Variants in DLG2 observed in about 807,000 individuals in gnomAD.
DLG2 encodes discs large MAGUK scaffold protein 2.
Under a neutral mutation model 132.5 loss-of-function variants are expected in DLG2, and 45 were observed. That is an observed-to-expected ratio of 0.34 (90% CI 0.27 to 0.44). DLG2 has a LOEUF of 0.44. DLG2 is among the 20% of genes least tolerant of loss of function. The probability of loss-of-function intolerance (pLI) is 1.00; values close to 1 mark genes in which losing one functional copy is unlikely to be tolerated. For missense variants in DLG2, 1,045 were observed against 1,196.9 expected, an observed-to-expected ratio of 0.87 and a Z score of 1.87; for synonymous variants, 424 against 419.6, an observed-to-expected ratio of 1.01 and a Z score of -0.13.
chr11:84,758,543 T>C (rs1398444194), intron 6 of DLG2, among the ~76,000 whole-genome samples: 1 of 152,210 alleles, frequency 6.6e-6, no homozygotes, highest in Non-Finnish European at 1.5e-5. Context: ...TTCTGAACAC[T>C]GTTTTCTGAT....
chr11:84,402,376 T>C (rs765031443), intron 7 of DLG2, among the ~76,000 whole-genome samples: 1 of 152,150 alleles, frequency 6.6e-6, no homozygotes, highest in African/African-American at 2.4e-5. Context: ...AAGATTTGTC[T>C]CTAGGTTTGA....
chr11:85,084,881 A>G (rs961145533), intron 6 of DLG2, among the ~76,000 whole-genome samples: 17 of 152,180 alleles, frequency 1.1e-4, no homozygotes, highest in Non-Finnish European at 2.1e-4. Flanking sequence ...TAGAGAAAGC[A>G]CGAGTTTCTC....
intron 13 of DLG2, among the ~76,000 whole-genome samples, chr11:83,963,877 C>G (rs2089549838): frequency 6.6e-6 from 1 of 151,960 alleles, no homozygotes; most frequent in South Asian, 2.1e-4. Flanking sequence ...TCTGAAGATG[C>G]AACTGAAATG....
At chr11:83,924,763 C>T (rs1439715251) in intron 15 of DLG2, among the ~76,000 whole-genome samples, 1 of 152,124 alleles carries the variant, frequency 6.6e-6, no homozygotes, top group Non-Finnish European at 1.5e-5. Flanking sequence ...TCTTGCTCTG[C>T]ATCCCAAAAC....
intron 18 of DLG2, among the ~76,000 whole-genome samples, chr11:83,777,555 T>C (rs2094632354): frequency 6.6e-6 from 1 of 152,238 alleles, no homozygotes. Flanking sequence ...CAATTTAATT[T>C]ATTAAACTGA....
At position 84,633,738 on chromosome 11, in the gene DLG2, G is replaced by A. The variant is rs114208964; in HGVS notation, c.358-99007C>T. On this transcript the variant is annotated intron_variant, in intron 6 of 27. Transcript: ENST00000376104. ...ATTGTTATTGATGAATGCAGACTAT[G>A]GGCCAGGCTTGTTTCCTAGAAACAT... is the stretch of plus-strand genomic sequence containing the variant. 5.0e-3 allele frequency among the ~76,000 whole-genome samples: 766 copies of A among 152,170 alleles called. 6 individuals carry two copies. The highest frequency in any genetic ancestry group is 0.018 in the African/African-American group (733 of 41,502).
intron 6 of DLG2, among the ~76,000 whole-genome samples, chr11:84,629,835 T>G (rs1007024847): frequency 8.6e-5 from 13 of 151,954 alleles, no homozygotes; most frequent in Non-Finnish European, 1.5e-4. Context: ...AAAGGAAAAG[T>G]GGAGGAAAAG....
Position 84,872,357 on chromosome 11 carries a change from ACAT to A in DLG2, c.357+239301_357+239303del, listed in dbSNP as rs1344515103. Among the ~76,000 whole-genome samples, 3 of 152,340 alleles carry A rather than the reference ACAT, an allele frequency of 2.0e-5. No individual in the cohort carries two copies. In the East Asian group the frequency reaches 5.8e-4, roughly 29 times the overall value. On this transcript the variant is annotated intron_variant, in intron 6 of 27. Coordinates refer to ENST00000376104, the MANE Select transcript of DLG2 (RefSeq NM_001142699.3). ...GCAAAGGGATTCATTCCCTTATAAA[ACAT>A]CATTAAAACACCAGCCATGTGTCTG... is the stretch of plus-strand genomic sequence containing the variant.
chr11:84,369,717 T>C (rs1664437881), intron 7 of DLG2, among the ~76,000 whole-genome samples: 1 of 152,128 alleles, frequency 6.6e-6, no homozygotes, highest in Non-Finnish European at 1.5e-5. Flanking sequence ...GACATAAAGA[T>C]TGCTGGTTGG....
At chr11:84,237,073 C>T (rs1440430019) in intron 8 of DLG2, among the ~76,000 whole-genome samples, 3 of 151,886 alleles carry the variant, frequency 2.0e-5, no homozygotes, top group Admixed American at 1.3e-4. Context: ...AGACTACAGG[C>T]GCGTGCCACC....
intron 6 of DLG2, among the ~76,000 whole-genome samples, chr11:85,017,502 AG>A (rs2059672700): frequency 6.6e-6 from 1 of 152,154 alleles, no homozygotes; most frequent in Admixed American, 6.6e-5. Context: ...ACTCATCTTT[AG>A]GCACACTCCC....
chr11:83,821,939 T>G (rs1001807574), intron 17 of DLG2, among the ~76,000 whole-genome samples: 1 of 152,154 alleles, frequency 6.6e-6, no homozygotes, highest in African/African-American at 2.4e-5. Context: ...AGGAGATAAC[T>G]CTTCTCCTTG....
intron 16 of DLG2, among the ~76,000 whole-genome samples, chr11:83,866,466 G>C (rs984303154): frequency 6.6e-6 from 1 of 152,188 alleles, no homozygotes; most frequent in Middle Eastern, 3.4e-3. Flanking sequence ...ATATTAACTA[G>C]CTCTTTAGTG....
chr11:83,748,195 G>A (rs1197068785), intron 18 of DLG2, among the ~76,000 whole-genome samples: 2 of 152,302 alleles, frequency 1.3e-5, no homozygotes, highest in African/African-American at 4.8e-5. Flanking sequence ...CGAGGGCTCT[G>A]TTCTTAGCTT....
chr11:84,781,013 A>C (rs1565944421), intron 6 of DLG2, among the ~76,000 whole-genome samples: 1 of 150,608 alleles, frequency 6.6e-6, no homozygotes, highest in East Asian at 1.9e-4. Context: ...AAAAAAAAAA[A>C]AGCGACAAGA....
At chr11:85,515,679 C>T (rs2094156183) in intron 3 of DLG2, among the ~76,000 whole-genome samples, 1 of 151,932 alleles carries the variant, frequency 6.6e-6, no homozygotes, top group Admixed American at 6.6e-5. Flanking sequence ...AATATAAGAA[C>T]TGACTAGAAG....
Position 85,177,952 on chromosome 11 carries a change from T to C in DLG2, c.187-23301A>G, listed in dbSNP as rs2079417542. ...AGGCTATTTTACAAAATAAATGTCTTATATTTGGGGAAAAAAATAAATTCA... is the reference window on the plus strand; with the variant it reads ...AGGCTATTTTACAAAATAAATGTCTCATATTTGGGGAAAAAAATAAATTCA... On this transcript the variant is annotated intron_variant, in intron 4 of 27. Coordinates refer to ENST00000376104, the MANE Select transcript of DLG2 (RefSeq NM_001142699.3). Among the ~76,000 whole-genome samples the C allele has an allele frequency of 5.3e-5, 8 of 152,034 alleles. No homozygotes were observed. In the South Asian group the frequency reaches 1.7e-3, roughly 32 times the overall value.
At chr11:84,317,337 T>C in intron 7 of DLG2, 2 of 1,410,690 alleles carry the variant, frequency 1.4e-6, no homozygotes, top group South Asian at 1.6e-5. Context: ...CAGCATTATC[T>C]GCGGGCTGGT....
At chr11:84,596,379 C>CTTT (rs1211350827) in intron 6 of DLG2, among the ~76,000 whole-genome samples, 4 of 121,734 alleles carry the variant, frequency 3.3e-5, no homozygotes, top group Non-Finnish European at 5.3e-5. Context: ...AGATAATTTT[C>CTTT]TTTTTTTTTT....
Sources: gnomAD v4.1 joint callset for allele counts (sites outside exome capture counted in the v4.1 genomes callset) on GRCh38, gnomAD v4.1.1 for gene constraint, MANE v1.5 for transcripts, NCBI Gene and HGNC (gene_info 2026-07-23, HGNC 2026-07-21) for gene names.